GINS2: variants seen among roughly 807,000 people sequenced by gnomAD.
GINS2 encodes the protein DNA replication complex GINS protein PSF2.
GINS2 carries 23 observed loss-of-function variants against 21.2 expected under a neutral mutation model. The ratio of observed to expected loss-of-function variants is 1.08; its 90% CI spans 0.78 to 1.53. The LOEUF (loss-of-function observed/expected upper bound fraction) is 1.53. Ranked by LOEUF, GINS2 falls within the 40% of genes most tolerant of loss-of-function variation. The pLI is 0.00. For missense variants in GINS2, 323 were observed against 233.9 expected, an observed-to-expected ratio of 1.38 and a Z score of -2.49; for synonymous variants, 118 against 85.6, an observed-to-expected ratio of 1.38 and a Z score of -2.09.
Position 85,681,494 on chromosome 16 carries a change from G to A in GINS2, c.305+88C>T, listed in dbSNP as rs151050055. ...TTGCCACTTACTGAGGCAATAAGCA[G>A]GGAAGCGGAGAGGAAGGACGAGGGT... is the stretch of plus-strand genomic sequence containing the variant. On this transcript the variant is annotated intron_variant, in intron 3 of 4. Coordinates refer to ENST00000253462, the MANE Select transcript of GINS2 (RefSeq NM_016095.3). 1.2e-3 allele frequency: 909 copies of A among 777,958 alleles called. 13 individuals carry two copies. The African/African-American group carries it at 0.015, about 12-fold the overall frequency. 48.2% of individuals were successfully genotyped at this position (777,958 alleles called of 1,614,324 possible). A position where few individuals can be genotyped will look rare whatever the true frequency, so the allele number is the denominator to read the frequency against.
At chr16:85,683,433 G>T (rs1239782348) in intron 2 of GINS2, among the ~76,000 whole-genome samples, 3 of 152,224 alleles carry the variant, frequency 2.0e-5, no homozygotes, top group African/African-American at 7.2e-5. Context: ...CATTGCTGCT[G>T]TAACTTCCTC....
chr16:85,686,674 A>C (rs1223001898), intron 2 of GINS2, among the ~76,000 whole-genome samples: 1 of 152,200 alleles, frequency 6.6e-6, no homozygotes, highest in Non-Finnish European at 1.5e-5. Flanking sequence ...GGAATGATAC[A>C]GTGTGCGGCC....
At chr16:85,679,542 C>T (rs540541654) in intron 3 of GINS2, among the ~76,000 whole-genome samples, 1 of 152,158 alleles carries the variant, frequency 6.6e-6, no homozygotes, top group East Asian at 1.9e-4. Context: ...TATTTATAAA[C>T]CCAAACATTT....
intron 3 of GINS2, among the ~76,000 whole-genome samples, chr16:85,679,271 G>C (rs917698584): frequency 6.6e-6 from 1 of 152,224 alleles, no homozygotes; most frequent in Non-Finnish European, 1.5e-5. Context: ...TTAGTATACA[G>C]TGAGCACACC....
At position 85,677,643 on chromosome 16, in the gene GINS2, T is replaced by G. The variant is rs1468430797; in HGVS notation, c.*569A>C. 6.6e-6 allele frequency: 1 copy of G among 152,396 alleles called. No homozygotes were observed. Among genetic ancestry groups the G allele is most frequent in the East Asian group, 1.9e-4 (1 of 5,198 alleles). 9.4% of individuals were successfully genotyped at this position (152,396 alleles called of 1,614,324 possible). On this transcript the variant is annotated 3_prime_UTR_variant, in exon 5 of 5. Coordinates refer to ENST00000253462, the MANE Select transcript of GINS2 (RefSeq NM_016095.3). The stretch of plus-strand genomic sequence containing the variant: ...AGGCTCAGTCCTTTTACTTGGTAGT[T>G]ACGCAGCACAAAAACCTAGAGAGTC...
chr16:85,684,292 C>T (rs1469606715), intron 2 of GINS2, among the ~76,000 whole-genome samples: 3 of 152,116 alleles, frequency 2.0e-5, no homozygotes, highest in Admixed American at 6.5e-5. Flanking sequence ...CATGATCACG[C>T]CACTGCACTC....
chr16:85,684,379 C>T (rs2053758173), intron 2 of GINS2, among the ~76,000 whole-genome samples: 1 of 152,124 alleles, frequency 6.6e-6, no homozygotes, highest in Admixed American at 6.5e-5. Context: ...CCTGTAGTCC[C>T]AGCTACTAGG....
intron 1 of GINS2, among the ~76,000 whole-genome samples, chr16:85,688,580 C>T (rs573461982): frequency 6.6e-6 from 1 of 152,296 alleles, no homozygotes; most frequent in East Asian, 1.9e-4. Context: ...AGCCCCCAAA[C>T]AGATCAAAAA....
rs765123391 is a variant in GINS2, at chr16:85,678,634, A to G, written c.338T>C (p.Ile113Thr). 27 of 1,613,822 alleles carry G rather than the reference A, an allele frequency of 1.7e-5. No individual in the cohort carries two copies. Among genetic ancestry groups the G allele is most frequent in the Non-Finnish European group, 2.0e-5 (24 of 1,179,992 alleles). Reference protein sequence around the residue: ...ASDNIPKADEIRTLVKDMWDT... With the variant: ...ASDNIPKADETRTLVKDMWDT... ...CCACATATCCTTGACCAGGGTCCGG[A>G]TTTCGTCTGCCTTCGGGATGTTGTC... Residue 113 changes from isoleucine (I) to threonine (T), a missense_variant, in exon 4 of 5, where the codon ATC (isoleucine) becomes ACC (threonine). Transcript: ENST00000253462.
At chr16:85,688,761 G>A in intron 1 of GINS2, 48 bp downstream of exon 1, 1 of 1,231,366 alleles carries the variant, frequency 8.1e-7, no homozygotes, top group Non-Finnish European at 1.1e-6. Context: ...GGGAGCCCCG[G>A]ACGCGCCCAG....
At position 85,688,950 on chromosome 16, in the gene GINS2, G is replaced by T; in HGVS notation, c.-52C>A. ...TCACGGTCTCCTCGGGCCCCTCAGCGTCCCGGAGGAGACGCCGCGGCCGCC... is the reference window on the plus strand; with the variant it reads ...TCACGGTCTCCTCGGGCCCCTCAGCTTCCCGGAGGAGACGCCGCGGCCGCC... On this transcript the variant is annotated 5_prime_UTR_variant, in exon 1 of 5. Coordinates refer to ENST00000253462, the MANE Select transcript of GINS2 (RefSeq NM_016095.3). 3 of 1,320,170 alleles carry T rather than the reference G, an allele frequency of 2.3e-6. No homozygotes were observed. The highest frequency in any genetic ancestry group is 1.5e-5 in the African/African-American group (1 of 65,540). The allele number at this position is 1,320,170 out of a possible 1,614,324, so 81.8% of individuals were successfully genotyped here.
rs2053802771 is a variant in GINS2, at chr16:85,688,806, C to T, written c.90+3G>A. ...CCCTCCCCACGGCGGGCCCAGGCCT[C>T]ACCCCGATGAGGTAGATCTTGTCCA... is the stretch of plus-strand genomic sequence containing the variant. On this transcript the variant is annotated splice_donor_region_variant and intron_variant, in intron 1 of 4. Transcript: ENST00000253462. 9.2e-6 allele frequency: 14 copies of T among 1,521,930 alleles called. No homozygotes were observed. In the East Asian group the frequency reaches 3.4e-4, roughly 37 times the overall value. 94.3% of individuals were successfully genotyped at this position (1,521,930 alleles called of 1,614,324 possible).
At chr16:85,686,135 T>A (rs1399713069) in intron 2 of GINS2, among the ~76,000 whole-genome samples, 4 of 152,226 alleles carry the variant, frequency 2.6e-5, no homozygotes, top group Non-Finnish European at 4.4e-5. Flanking sequence ...TATTGAAGCA[T>A]AATTAATATA....
In GINS2 at chr16:85,678,297, G is replaced by T. The variant is rs545502458; in HGVS notation, c.473C>A (p.Thr158Asn). 1.4e-5 allele frequency: 22 copies of T among 1,613,304 alleles called. 1 individual carries two copies. The South Asian group carries it at 2.2e-4, about 16-fold the overall frequency. ...GTGGTTGAGCGCTTGTGTGAGGAAAGTCCCGCTGGTGTTGATCTCCATCAA... is the reference window on the plus strand; with the variant it reads ...GTGGTTGAGCGCTTGTGTGAGGAAATTCCCGCTGGTGTTGATCTCCATCAA... ...LTLMEINTSG[T>N]FLTQALNHMY... The change falls in exon 5 of 5, where the codon ACT becomes AAT. Residue 158 changes from threonine (T) to asparagine (N), a missense_variant. Coordinates refer to ENST00000253462, the MANE Select transcript of GINS2 (RefSeq NM_016095.3).
At chr16:85,679,597 A>G (rs1376299143) in intron 3 of GINS2, among the ~76,000 whole-genome samples, 12 of 152,170 alleles carry the variant, frequency 7.9e-5, no homozygotes, top group African/African-American at 2.2e-4. Flanking sequence ...AAGGACCCCA[A>G]CTCCTCGTCA....
In GINS2 at chr16:85,677,224, G is replaced by A. The variant is rs2053684531; in HGVS notation, c.*988C>T. On this transcript the variant is annotated 3_prime_UTR_variant, in exon 5 of 5. Coordinates refer to ENST00000253462, the MANE Select transcript of GINS2 (RefSeq NM_016095.3). ...CTGATTACAGAACCTTCTATCCATT[G>A]CATGATGCTGGACGATCATTTCACC... is the stretch of plus-strand genomic sequence containing the variant. 1 of 152,084 alleles carries A rather than the reference G, an allele frequency of 6.6e-6. No individual in the cohort carries two copies. The highest frequency in any genetic ancestry group is 1.5e-5 in the Non-Finnish European group (1 of 68,024). 9.4% of individuals were successfully genotyped at this position (152,084 alleles called of 1,614,324 possible). A position where few individuals can be genotyped will look rare whatever the true frequency, so the allele number is the denominator to read the frequency against.
intron 3 of GINS2, among the ~76,000 whole-genome samples, chr16:85,680,167 G>A (rs1383571191): frequency 6.6e-6 from 1 of 152,170 alleles, no homozygotes; most frequent in African/African-American, 2.4e-5. Context: ...CAGGAAGCAG[G>A]CCTATGGGAC....
At chr16:85,678,429 C>G in intron 4 of GINS2, 92 bp from the exon 5 acceptor site, 2 of 1,557,430 alleles carry the variant, frequency 1.3e-6, no homozygotes, top group Non-Finnish European at 1.8e-6. Flanking sequence ...AACCAATGAA[C>G]TGTTGAAAAG....
intron 3 of GINS2, among the ~76,000 whole-genome samples, chr16:85,680,651 G>A (rs1251021422): frequency 6.6e-6 from 1 of 152,156 alleles, no homozygotes; most frequent in Admixed American, 6.6e-5. Context: ...ACTGGCAAAT[G>A]CCATAGCAAT....
Sources: allele counts gnomAD v4.1 joint callset (sites outside exome capture counted in the v4.1 genomes callset), GRCh38; gene constraint gnomAD v4.1.1; transcripts MANE v1.5; gene names NCBI Gene and HGNC (gene_info 2026-07-23, HGNC 2026-07-21).